TRDN: variants seen among roughly 807,000 people sequenced by gnomAD.
TRDN encodes triadin in skeletal muscle.
A neutral mutation model predicts 149.7 loss-of-function variants in TRDN; 161 were observed. That is an observed-to-expected ratio of 1.08 (90% confidence interval 0.95 to 1.23). The LOEUF (loss-of-function observed/expected upper bound fraction) is 1.23, where lower values mean the gene tolerates loss of function less well. Among genes scored for constraint, TRDN ranks in the 50% most tolerant of loss-of-function variants. The pLI, the probability that TRDN is intolerant of heterozygous loss-of-function variation, is 0.00. For missense variants in TRDN, 896 were observed against 823.5 expected (o/e 1.09, Z -1.08); for synonymous variants, 294 against 250.5 (o/e 1.17, Z -1.64).
chr6:123,372,461 C>T (rs1330925804), intron 19 of TRDN, among the ~76,000 whole-genome samples: 9 of 152,158 alleles, frequency 5.9e-5, no homozygotes, highest in African/African-American at 1.9e-4. Context: ...AGATCCAGAG[C>T]TAAAAATGAC....
intron 21 of TRDN, chr6:123,349,738 T>C (rs887929261): frequency 1.0e-6 from 1 of 983,174 alleles, no homozygotes; most frequent in African/African-American, 1.7e-5. Flanking sequence ...TTAGATATTA[T>C]TAGCATTCAC....
At chr6:123,380,138 T>A (rs979726245) in intron 16 of TRDN, among the ~76,000 whole-genome samples, 1 of 152,174 alleles carries the variant, frequency 6.6e-6, no homozygotes, top group Non-Finnish European at 1.5e-5. Flanking sequence ...TTTCTTCTCC[T>A]TATTGCTGCC....
Position 123,570,973 on chromosome 6 carries a change from G to T in TRDN, c.182C>A (p.Ser61Ter). The change falls in exon 2 of 41, where the codon TCA becomes TAA. Residue 61 changes from serine to a stop codon, truncating the protein, a stop_gained. Coordinates refer to ENST00000334268, the MANE Select transcript of TRDN (RefSeq NM_006073.4). LOFTEE classifies it high-confidence loss of function. ...ATCAAACATAACGATGGCAACAGCT[G>T]ACCACGTGATTATCAGGGCAATGAC... Reference protein sequence around the residue: ...LLVIALIITWSAVAIVMFDLV... With the variant: ...LLVIALIITW The T allele has an allele frequency of 6.2e-7, 1 of 1,613,970 alleles. No individual in the cohort carries two copies. The highest frequency in any genetic ancestry group is 1.1e-5 in the South Asian group (1 of 91,076).
intron 24 of TRDN, among the ~76,000 whole-genome samples, chr6:123,279,884 T>C (rs1325783312): frequency 1.3e-5 from 2 of 152,164 alleles, no homozygotes; most frequent in African/African-American, 2.4e-5. Context: ...AGTAACTTTT[T>C]CTTTTAGCAA....
In TRDN at chr6:123,271,196, G is replaced by GA; in HGVS notation, c.1673-11dup. 1 of 1,522,402 alleles carries GA rather than the reference G, an allele frequency of 6.6e-7. No homozygotes were observed. The highest frequency in any genetic ancestry group is 8.8e-7 in the Non-Finnish European group (1 of 1,135,082). 94.3% of individuals were successfully genotyped at this position (1,522,402 alleles called of 1,614,324 possible). A position where few individuals can be genotyped will look rare whatever the true frequency, so the allele number is the denominator to read the frequency against. ...TTGAGAACTTTTTCTTCTGTGATAG[G>GA]AAAAAATGTTAACACAAGTAGGAAA... On this transcript the variant is annotated splice_polypyrimidine_tract_variant and intron_variant, in intron 29 of 40. Transcript: ENST00000334268.
chr6:123,324,156 T>C (rs1415900316), intron 23 of TRDN, among the ~76,000 whole-genome samples: 2 of 152,184 alleles, frequency 1.3e-5, no homozygotes, highest in Non-Finnish European at 2.9e-5. Context: ...ACTAGACTCT[T>C]GCTTGTTTTT....
At chr6:123,555,430 T>A (rs2114471155) in intron 2 of TRDN, among the ~76,000 whole-genome samples, 1 of 152,310 alleles carries the variant, frequency 6.6e-6, no homozygotes, top group East Asian at 1.9e-4. Flanking sequence ...GCAACACCTT[T>A]ATTCCTCTGT....
chr6:123,386,469 T>A (rs1781911233), intron 14 of TRDN, among the ~76,000 whole-genome samples: 1 of 152,190 alleles, frequency 6.6e-6, no homozygotes, highest in Non-Finnish European at 1.5e-5. Flanking sequence ...CACCATGATG[T>A]CCTGGCAACT....
intron 25 of TRDN, 54 bp from the exon 26 acceptor site, chr6:123,278,401 C>T: frequency 1.9e-6 from 2 of 1,063,426 alleles, no homozygotes; most frequent in African/African-American, 1.7e-5. Context: ...TATTCATTTC[C>T]TATATACTTG....
At chr6:123,617,599 C>A (rs2114699980) in intron 1 of TRDN, among the ~76,000 whole-genome samples, 1 of 152,158 alleles carries the variant, frequency 6.6e-6, no homozygotes, top group Non-Finnish European at 1.5e-5. Flanking sequence ...TCTTGTTCGT[C>A]AATGTATCAT....
At chr6:123,577,826 A>G (rs1420145220) in intron 1 of TRDN, among the ~76,000 whole-genome samples, 1 of 152,158 alleles carries the variant, frequency 6.6e-6, no homozygotes, top group South Asian at 2.1e-4. Context: ...AATGATAGCC[A>G]TTCTGACTGG....
intron 2 of TRDN, among the ~76,000 whole-genome samples, chr6:123,560,302 C>T (rs1781915927): frequency 6.6e-6 from 1 of 152,136 alleles, no homozygotes; most frequent in Non-Finnish European, 1.5e-5. Context: ...CTCGGGCCCT[C>T]ACTCTTACAA....
intron 2 of TRDN, among the ~76,000 whole-genome samples, chr6:123,550,197 C>T (rs1377455800): frequency 1.3e-5 from 2 of 151,934 alleles, no homozygotes; most frequent in Non-Finnish European, 2.9e-5. Flanking sequence ...GACCCAGAGA[C>T]ACTTTAACAA....
At chr6:123,349,312 C>T (rs940180913) in intron 21 of TRDN, among the ~76,000 whole-genome samples, 1 of 151,892 alleles carries the variant, frequency 6.6e-6, no homozygotes, top group Non-Finnish European at 1.5e-5. Context: ...GGAGAGTATC[C>T]TCGTTTTCAT....
At chr6:123,357,986 T>A (rs1486130492) in intron 20 of TRDN, among the ~76,000 whole-genome samples, 2 of 152,206 alleles carry the variant, frequency 1.3e-5, no homozygotes, top group Non-Finnish European at 1.5e-5. Flanking sequence ...CTGGTTCTAA[T>A]GTAAAATTCA....
At chr6:123,435,104 A>G (rs966642326) in intron 12 of TRDN, among the ~76,000 whole-genome samples, 10 of 150,264 alleles carry the variant, frequency 6.7e-5, no homozygotes, top group Non-Finnish European at 1.5e-4. Flanking sequence ...TATAACATAT[A>G]ACATATAACT....
At chr6:123,340,825 T>A (rs192418578) in intron 21 of TRDN, among the ~76,000 whole-genome samples, 3 of 152,018 alleles carry the variant, frequency 2.0e-5, no homozygotes, top group Admixed American at 6.6e-5. Context: ...GTGTAACTTA[T>A]AACGCACATC....
chr6:123,347,038 C>T (rs1780279395), intron 21 of TRDN, among the ~76,000 whole-genome samples: 1 of 151,896 alleles, frequency 6.6e-6, no homozygotes, highest in African/African-American at 2.4e-5. Context: ...CATGTGGATT[C>T]TTGAATGGAG....
chr6:123,467,672 A>G (rs1013232279), intron 9 of TRDN, among the ~76,000 whole-genome samples: 5 of 152,214 alleles, frequency 3.3e-5, no homozygotes, highest in Non-Finnish European at 5.9e-5. Flanking sequence ...GATGGGTCAT[A>G]CTTGAACATG....
Sources: allele counts gnomAD v4.1 joint callset (sites outside exome capture counted in the v4.1 genomes callset), GRCh38; gene constraint gnomAD v4.1.1; transcripts MANE v1.5; gene names NCBI Gene and HGNC (gene_info 2026-07-23, HGNC 2026-07-21).